Variants in WDFY1 observed in about 807,000 individuals in gnomAD.
WDFY1 encodes the protein WD repeat and FYVE domain-containing protein 1.
Under a neutral mutation model 56.4 loss-of-function variants are expected in WDFY1, and 32 were observed. The observed-to-expected ratio is 0.57, with a 90% CI of 0.43 to 0.76. The LOEUF is 0.76. Ranked by LOEUF, WDFY1 falls within the 30% of genes least tolerant of loss-of-function variation. The pLI, the probability that WDFY1 is intolerant of heterozygous loss-of-function variation, is 0.00. For missense variants in WDFY1, 480 were observed against 545.7 expected, an observed-to-expected ratio of 0.88 and a Z score of 1.20; for synonymous variants, 192 against 197.3, an observed-to-expected ratio of 0.97 and a Z score of 0.23.
At chr2:223,933,374 C>T (rs548670531) in intron 1 of WDFY1, among the ~76,000 whole-genome samples, 1 of 149,454 alleles carries the variant, frequency 6.7e-6, no homozygotes, top group South Asian at 2.1e-4. Flanking sequence ...TACTCCAAAC[C>T]ATTCTTGCTG....
intron 1 of WDFY1, among the ~76,000 whole-genome samples, chr2:223,934,609 C>T (rs991627664): frequency 1.1e-4 from 16 of 152,248 alleles, no homozygotes; most frequent in African/African-American, 3.4e-4. Flanking sequence ...CAACCTCCAC[C>T]TCCCGGGTTC....
intron 1 of WDFY1, among the ~76,000 whole-genome samples, chr2:223,933,103 C>G (rs1156420013): frequency 6.7e-6 from 1 of 149,100 alleles, no homozygotes; most frequent in Admixed American, 6.9e-5. Flanking sequence ...AATTTATTCT[C>G]TAAATTAAAA....
At chr2:223,928,570 T>C (rs527299756) in intron 1 of WDFY1, among the ~76,000 whole-genome samples, 1 of 152,286 alleles carries the variant, frequency 6.6e-6, no homozygotes, top group African/African-American at 2.4e-5. Flanking sequence ...TAGGGACTTA[T>C]TTTATGTGGT....
intron 3 of WDFY1, among the ~76,000 whole-genome samples, chr2:223,909,934 A>G (rs79193010): frequency 0.012 from 1,766 of 152,288 alleles, 29 homozygotes; most frequent in African/African-American, 0.04. Flanking sequence ...AAAACACTTT[A>G]ACAGCTTCTC....
Position 223,901,263 on chromosome 2 carries a change from G to T in WDFY1, c.405C>A (p.Asp135Glu). 1 of 1,614,158 alleles carries T rather than the reference G, an allele frequency of 6.2e-7. No individual in the cohort carries two copies. Among genetic ancestry groups the T allele is most frequent in the Non-Finnish European group, 8.5e-7 (1 of 1,180,030 alleles). Reference sequence around the variant, plus strand: ...GCGTGCACATCCAGCTCACACACTTGTCGTGGCCGGTACTGATCACCCACT... The same window carrying T: ...GCGTGCACATCCAGCTCACACACTTTTCGTGGCCGGTACTGATCACCCACT... ...ATEWVISTGH[D>E]KCVSWMCTRS... The change falls in exon 5 of 12, where the codon GAC becomes GAA. Residue 135 changes from aspartate to glutamate, a missense_variant. By Grantham distance (45) the Asp-to-Glu change is conservative (BLOSUM62 2). Transcript: ENST00000233055.
chr2:223,901,591 C>T (rs911000076), intron 4 of WDFY1, among the ~76,000 whole-genome samples: 6 of 152,012 alleles, frequency 3.9e-5, no homozygotes, highest in Non-Finnish European at 7.4e-5. Flanking sequence ...TAAAGAGTAA[C>T]GCTCAAGGAG....
At chr2:223,913,734 T>C (rs1693741371) in intron 2 of WDFY1, among the ~76,000 whole-genome samples, 2 of 152,094 alleles carry the variant, frequency 1.3e-5, no homozygotes, top group East Asian at 3.9e-4. Flanking sequence ...TGCCCAACCC[T>C]ATAACAAACA....
chr2:223,888,462 A>G (rs571995549), intron 8 of WDFY1, among the ~76,000 whole-genome samples: 2 of 152,310 alleles, frequency 1.3e-5, no homozygotes, highest in South Asian at 2.1e-4. Flanking sequence ...AAAGGCCTCT[A>G]TCTCCAGCAA....
intron 2 of WDFY1, among the ~76,000 whole-genome samples, 164 bp from the exon 3 acceptor site, chr2:223,912,490 C>A (rs533028682): frequency 6.6e-6 from 1 of 152,288 alleles, no homozygotes; most frequent in Admixed American, 6.5e-5. Context: ...TATTAAAGTT[C>A]TCTCTGTTGT....
intron 11 of WDFY1, among the ~76,000 whole-genome samples, chr2:223,879,725 G>T (rs749564583): frequency 2.0e-5 from 3 of 152,134 alleles, no homozygotes; most frequent in Non-Finnish European, 4.4e-5. Context: ...GTGACCCAGG[G>T]ATTTAATTGT....
chr2:223,880,240 G>A lies in WDFY1; in HGVS notation c.1065-8C>T, dbSNP rs1190991218. 1.9e-6 allele frequency: 3 copies of A among 1,612,836 alleles called. No homozygotes were observed. The highest frequency in any genetic ancestry group is 2.5e-6 in the Non-Finnish European group (3 of 1,179,006). On this transcript the variant is annotated splice_region_variant and splice_polypyrimidine_tract_variant and intron_variant, in intron 10 of 11. Transcript: ENST00000233055. Reference sequence around the variant, plus strand: ...GTCGCTAGAGAAGTCCGACTAACAAGAGAAAAGAGATCACTGAAAATTTAC... The same window carrying A: ...GTCGCTAGAGAAGTCCGACTAACAAAAGAAAAGAGATCACTGAAAATTTAC...
Position 223,898,967 on chromosome 2 carries a change from C to G in WDFY1, c.589G>C (p.Gly197Arg). The change falls in exon 6 of 12, where the codon GGA (glycine) becomes CGA (arginine). Residue 197 changes from glycine to arginine, a missense_variant. Transcript: ENST00000233055. ...TGATAATATAGCCTACCTTCATGTC[C>G]TTTGAGGGTTGTGATGACTGAACAC... is the stretch of plus-strand genomic sequence containing the variant. Reference protein sequence around the residue: ...NTCSVITTLKGHEGSVACLWW... With the variant: ...NTCSVITTLKRHEGSVACLWW... 2 of 1,613,926 alleles carry G rather than the reference C, an allele frequency of 1.2e-6. No individual in the cohort carries two copies. The highest frequency in any genetic ancestry group is 8.5e-7 in the Non-Finnish European group (1 of 1,179,868).
At chr2:223,896,456 C>T (rs944338788) in intron 6 of WDFY1, among the ~76,000 whole-genome samples, 4 of 152,164 alleles carry the variant, frequency 2.6e-5, no homozygotes, top group South Asian at 4.1e-4. Context: ...TTGTACACTA[C>T]ATAATTATGC....
intron 1 of WDFY1, among the ~76,000 whole-genome samples, chr2:223,934,081 C>CTTTTTTTTTT (rs201021204): frequency 7.3e-6 from 1 of 136,168 alleles, no homozygotes; most frequent in Non-Finnish European, 1.6e-5. Context: ...TTTTTCTTTT[C>CTTTTTTTTTT]TTTTTTTTTT....
chr2:223,912,475 A>C, intron 2 of WDFY1, 149 bp from the exon 3 acceptor site: 1 of 543,090 alleles, frequency 1.8e-6, no homozygotes, highest in Non-Finnish European at 3.1e-6. Flanking sequence ...GTAAATTGAA[A>C]ATGTTATTAA....
rs753705514 is a variant in WDFY1 at position 223,912,326 on chromosome 2, G to A, written c.206C>T (p.Ser69Phe). The change falls in exon 3 of 12, where the codon TCT becomes TTT. Residue 69 changes from serine (S) to phenylalanine (F), a missense_variant and splice_region_variant. Ser to Phe is a radical substitution (Grantham distance 155, BLOSUM62 -2). Transcript: ENST00000233055. ...ATGGTAAGCCATAGCAGAGCAAGGA[G>A]CTGCCAGAAAGACAAAGACCACATT... ...YWPSIYHTMA[S>F]PCSAMAYHHD... is the part of the protein sequence containing the mutation. 4 of 1,599,008 alleles carry A rather than the reference G, an allele frequency of 2.5e-6. No individual in the cohort carries two copies. The highest frequency in any genetic ancestry group is 3.4e-6 in the Non-Finnish European group (4 of 1,176,124).
At chr2:223,918,137 C>T (rs1459822091) in intron 1 of WDFY1, 127 bp from the exon 2 acceptor site, 1 of 799,834 alleles carries the variant, frequency 1.3e-6, no homozygotes. Context: ...ACTAACTGGA[C>T]AAACTGGACA....
chr2:223,928,542 A>T (rs1257938775), intron 1 of WDFY1, among the ~76,000 whole-genome samples: 1 of 152,126 alleles, frequency 6.6e-6, no homozygotes, highest in African/African-American at 2.4e-5. Flanking sequence ...CATTTTGCGC[A>T]ATGAGCCTTG....
rs1190171227 is a variant in WDFY1 at position 223,901,230 on chromosome 2, C to A, written c.438G>T (p.Gly146=). 1 of 1,614,078 alleles carries A rather than the reference C, an allele frequency of 6.2e-7. No individual in the cohort carries two copies. Among genetic ancestry groups the A allele is most frequent in the Non-Finnish European group, 8.5e-7 (1 of 1,179,996 alleles). The change falls in exon 5 of 12, where the codon GGG becomes GGT. Residue 146 remains glycine, a synonymous_variant. Coordinates refer to ENST00000233055, the MANE Select transcript of WDFY1 (RefSeq NM_020830.5). ...TGAAGAAGTGCCTCCCGAGCATGTT[C>A]CCGCTCCGCGTGCACATCCAGCTCA... The part of the protein sequence containing the change: ...KCVSWMCTRS[G]NMLGRHFFTS...
Sources: gnomAD v4.1 joint callset for allele counts (sites outside exome capture counted in the v4.1 genomes callset) on GRCh38, gnomAD v4.1.1 for gene constraint, MANE v1.5 for transcripts, NCBI Gene and HGNC (gene_info 2026-07-23, HGNC 2026-07-21) for gene names.